ANKRD42: variants seen among roughly 807,000 people sequenced by gnomAD.
The protein encoded by ANKRD42 is ankyrin repeat domain 42, also known as ankyrin repeat domain-containing protein 42.
In ANKRD42, 43 loss-of-function variants were observed where a neutral mutation model predicts 51.5. The ratio of observed to expected loss-of-function variants is 0.83; its 90% CI spans 0.65 to 1.08. The LOEUF is 1.08. ANKRD42 is among the 50% of genes least tolerant of loss of function. ANKRD42 has a pLI of 0.00. For synonymous variants in ANKRD42, 203 were observed against 213.0 expected (o/e 0.95, Z 0.41); for missense variants, 608 against 629.3 (o/e 0.97, Z 0.36).
intron 7 of ANKRD42, among the ~76,000 whole-genome samples, chr11:83,228,236 T>TCC (rs1862956176): frequency 3.7e-5 from 1 of 26,822 alleles, no homozygotes; most frequent in African/African-American, 2.4e-4. Context: ...TCTCTCTTTT[T>TCC]TTTTTTTTTT....
intron 7 of ANKRD42, among the ~76,000 whole-genome samples, chr11:83,228,229 CTCTTTTTTTTTT>C (rs1399222725): frequency 2.2e-4 from 9 of 41,108 alleles, no homozygotes; most frequent in Middle Eastern, 0.016. Flanking sequence ...CCCTCTCTCT[CTCTTTTTTTTTT>C]TTTTTTTTTT....
At chr11:83,220,021 G>C (rs75182881) in intron 5 of ANKRD42, among the ~76,000 whole-genome samples, 103 of 152,316 alleles carry the variant, frequency 6.8e-4, no homozygotes, top group South Asian at 1.7e-3. Flanking sequence ...AAGTCTAGCC[G>C]GCAGACATTA....
Position 83,248,891 on chromosome 11 carries a change from T to C in ANKRD42, c.*687T>C, listed in dbSNP as rs1863620550. 2.0e-6 allele frequency: 2 copies of C among 983,062 alleles called. No homozygotes were observed. Among genetic ancestry groups the C allele is most frequent in the African/African-American group, 1.7e-5 (1 of 57,196 alleles). The allele number at this position is 983,062 out of a possible 1,614,324, so 60.9% of individuals were successfully genotyped here. A position where few individuals can be genotyped will look rare whatever the true frequency, so the allele number is the denominator to read the frequency against. ...GTGTATTTCTATGCATATGCAAATATAACCACTTCCTCAGTTTCTCTGGGT... is the reference window on the plus strand; with the variant it reads ...GTGTATTTCTATGCATATGCAAATACAACCACTTCCTCAGTTTCTCTGGGT... On this transcript the variant is annotated 3_prime_UTR_variant, in exon 11 of 11. Transcript: ENST00000533342.
chr11:83,239,924 A>G (rs1418211579), intron 8 of ANKRD42, among the ~76,000 whole-genome samples: 2 of 152,192 alleles, frequency 1.3e-5, no homozygotes, highest in Non-Finnish European at 2.9e-5. Context: ...TTAAATTACA[A>G]CCTAGTCGTA....
chr11:83,223,811 G>A (rs1862789633), intron 5 of ANKRD42, among the ~76,000 whole-genome samples: 2 of 152,114 alleles, frequency 1.3e-5, no homozygotes, highest in South Asian at 2.1e-4. Context: ...TGGCCACTTG[G>A]ACATTACCCT....
chr11:83,245,473 G>A (rs746747992), intron 9 of ANKRD42, 25 bp from the exon 10 acceptor site: 53 of 1,533,882 alleles, frequency 3.5e-5, no homozygotes, highest in Non-Finnish European at 4.4e-5. Flanking sequence ...GTCTAACTAG[G>A]TTCCTACTCA....
At chr11:83,258,962 T>C (rs1863822884), downstream of ANKRD42, 1 of 152,184 alleles carries the variant, frequency 6.6e-6, no homozygotes, top group Admixed American at 6.5e-5. Context: ...AGCTAATCCT[T>C]GTGGAGGCTT....
Position 83,245,788 on chromosome 11 carries a change from A to G in ANKRD42, c.1322+164A>G, listed in dbSNP as rs115356591. Reference sequence around the variant, plus strand: ...ATGACAAAGGAGTTAAAATTTTTAAATAATTGTGATAAAATACACATAAAA... The same window carrying G: ...ATGACAAAGGAGTTAAAATTTTTAAGTAATTGTGATAAAATACACATAAAA... On this transcript the variant is annotated intron_variant, in intron 10 of 10. Coordinates refer to ENST00000533342, the MANE Select transcript of ANKRD42 (RefSeq NM_001300975.2). Among the ~76,000 whole-genome samples the G allele has an allele frequency of 4.2e-3, 646 of 152,350 alleles. 1 individual carries two copies. Among genetic ancestry groups the G allele is most frequent in the African/African-American group, 0.014 (587 of 41,574 alleles).
downstream of ANKRD42, among the ~76,000 whole-genome samples, chr11:83,253,822 A>G (rs1281309487): frequency 2.6e-5 from 4 of 152,242 alleles, no homozygotes; most frequent in African/African-American, 9.6e-5. Flanking sequence ...GGCCTGTTGA[A>G]TGCCAAGCAC....
At chr11:83,195,149 C>T (rs1307205433) in intron 1 of ANKRD42, among the ~76,000 whole-genome samples, 1 of 152,174 alleles carries the variant, frequency 6.6e-6, no homozygotes, top group Non-Finnish European at 1.5e-5. Context: ...GCAGCTTTTA[C>T]CCCTTGATGA....
At chr11:83,236,263 C>A in intron 7 of ANKRD42, 141 bp from the exon 8 acceptor site, 1 of 524,934 alleles carries the variant, frequency 1.9e-6, no homozygotes, top group Non-Finnish European at 3.4e-6. Flanking sequence ...AATATTTGCC[C>A]AATGTACTTT....
chr11:83,243,664 T>TC (rs1863455401), intron 9 of ANKRD42, among the ~76,000 whole-genome samples: 1 of 152,076 alleles, frequency 6.6e-6, no homozygotes, highest in Admixed American at 6.6e-5. Flanking sequence ...TGTATGTATT[T>TC]ATTTATTTAT....
chr11:83,232,902 AATC>A (rs1168799063), intron 7 of ANKRD42, among the ~76,000 whole-genome samples: 1 of 152,196 alleles, frequency 6.6e-6, no homozygotes, highest in Non-Finnish European at 1.5e-5. Context: ...GCATATGTTG[AATC>A]ATCGGTGTAT....
chr11:83,228,231 CTTTTTTTTTTTTTTTTTTTTTTTTTT>C (rs11403803), intron 7 of ANKRD42, among the ~76,000 whole-genome samples: 1 of 59,012 alleles, frequency 1.7e-5, no homozygotes, highest in Admixed American at 2.3e-4. Flanking sequence ...CTCTCTCTCT[CTTTTTTTTTTTTTTTTTTTTTTTTTT>C]TTTTTTTTTT....
At chr11:83,245,308 T>C (rs1863510610) in intron 9 of ANKRD42, among the ~76,000 whole-genome samples, 190 bp from the exon 10 acceptor site, 1 of 152,238 alleles carries the variant, frequency 6.6e-6, no homozygotes. Flanking sequence ...AGGTATTCCA[T>C]TGCGTGCTCA....
At chr11:83,239,016 T>A (rs1591004195) in intron 8 of ANKRD42, among the ~76,000 whole-genome samples, 1 of 134,934 alleles carries the variant, frequency 7.4e-6, no homozygotes, top group East Asian at 2.1e-4. Flanking sequence ...AAAAAAAAAA[T>A]TTTGCATTTC....
chr11:83,231,088 C>A lies in ANKRD42; in HGVS notation c.913+3216C>A, dbSNP rs551025862. 7.9e-5 allele frequency among the ~76,000 whole-genome samples: 12 copies of A among 152,286 alleles called. No homozygotes were observed. The South Asian group carries it at 2.5e-3, about 32-fold the overall frequency. ...GGGCATATACCCAGCAGTGGGATAGCTGGATTGTGTGGTAGCTCTATTTTT... is the reference window on the plus strand; with the variant it reads ...GGGCATATACCCAGCAGTGGGATAGATGGATTGTGTGGTAGCTCTATTTTT... On this transcript the variant is annotated intron_variant, in intron 7 of 10. Transcript: ENST00000533342.
Position 83,248,140 on chromosome 11 carries a change from G to A in ANKRD42, c.1520G>A (p.Trp507Ter). ...TTTCTCAAGAAGTATATACAAGAGT[G>A]GCCAAGAGTACAAGCTTTGGGCTGG... is the stretch of plus-strand genomic sequence containing the variant. Reference protein sequence around the residue: ...FIFLKKYIQEWPRVQALGWGS... With the variant: ...FIFLKKYIQE The change falls in exon 11 of 11, where the codon TGG (tryptophan) becomes TAG (stop). Residue 507 changes from tryptophan (W) to a stop codon, truncating the protein, a stop_gained. Transcript: ENST00000533342. LOFTEE classifies it low-confidence loss of function (END_TRUNC). The A allele has an allele frequency of 6.5e-7, 1 of 1,542,660 alleles. No homozygotes were observed. The highest frequency in any genetic ancestry group is 1.2e-5 in the South Asian group (1 of 84,000).
At chr11:83,232,834 A>G (rs533100416) in intron 7 of ANKRD42, among the ~76,000 whole-genome samples, 1 of 152,344 alleles carries the variant, frequency 6.6e-6, no homozygotes, top group African/African-American at 2.4e-5. Flanking sequence ...ATCAATTGAA[A>G]TGATCATATA....
Sources: allele counts gnomAD v4.1 joint callset (sites outside exome capture counted in the v4.1 genomes callset), GRCh38; gene constraint gnomAD v4.1.1; transcripts MANE v1.5; gene names NCBI Gene and HGNC (gene_info 2026-07-23, HGNC 2026-07-21).